AR: variants seen among roughly 807,000 people sequenced by gnomAD.
AR encodes the protein dihydrotestosterone receptor.
A neutral mutation model predicts 53.9 loss-of-function variants in AR; 8 were observed. The ratio of observed to expected loss-of-function variants is 0.15; its 90% CI spans 0.09 to 0.27. The LOEUF is 0.27. AR is among the 10% of genes least tolerant of loss of function. The pLI, the probability that AR is intolerant of heterozygous loss-of-function variation, is 1.00. For missense variants in AR, 639 were observed against 742.5 expected, an observed-to-expected ratio of 0.86 and a Z score of 1.62; for synonymous variants, 359 against 316.4, an observed-to-expected ratio of 1.13 and a Z score of -1.43.
At chrX:67,694,776 T>C (rs565424003) in intron 3 of AR, 19 of 1,145,165 alleles carry the variant, frequency 1.7e-5, no homozygotes, top group Non-Finnish European at 2.1e-5. Context: ...CTCTAGTGGA[T>C]AGTCTGGAGA....
chrX:67,696,153 C>A, intron 3 of AR: 2 of 700,053 alleles, frequency 2.9e-6, no homozygotes, highest in Non-Finnish European at 3.4e-6. Flanking sequence ...TTTTTTTTTC[C>A]TTTTTTTTCT....
intron 3 of AR, among the ~76,000 whole-genome samples, chrX:67,709,206 G>A (rs1208815751): frequency 2.7e-5 from 3 of 112,154 alleles, no homozygotes; most frequent in Non-Finnish European, 5.6e-5. Context: ...GGTTTCTGCT[G>A]CCTTTTGTTC....
chrX:67,626,978 G>C (rs1369888208), intron 1 of AR, among the ~76,000 whole-genome samples: 1 of 105,316 alleles, frequency 9.5e-6, no homozygotes, highest in East Asian at 3.0e-4. Flanking sequence ...TTTTATGGCT[G>C]CATAGTATTC....
chrX:67,723,936 G>A lies in AR; in HGVS notation c.*95G>A. 9.2e-7 allele frequency: 1 copy of A among 1,086,944 alleles called. No homozygotes were observed. The highest frequency in any genetic ancestry group is 1.9e-5 in the South Asian group (1 of 53,675). 89.6% of individuals were successfully genotyped at this position (1,086,944 alleles called of 1,213,427 possible). A position where few individuals can be genotyped will look rare whatever the true frequency, so the allele number is the denominator to read the frequency against. ...CTGCACTACTCCTCTGCAGTGCCTT[G>A]GGGAATTTCCTCTATTGATGTACAG... On this transcript the variant is annotated 3_prime_UTR_variant, in exon 8 of 8. Transcript: ENST00000374690.
chrX:67,724,882 A>G lies in AR; in HGVS notation c.*1041A>G, dbSNP rs940943879. 9 of 172,619 alleles carry G rather than the reference A, an allele frequency of 5.2e-5. No individual in the cohort carries two copies. Among genetic ancestry groups the G allele is most frequent in the Non-Finnish European group, 9.9e-5 (9 of 91,159 alleles). The allele number at this position is 172,619 out of a possible 1,213,427, so 14.2% of individuals were successfully genotyped here. ...GAGAGCAGAGATTTAACCCTTTGTA[A>G]GGCCCCATTTGGATCCAGGTCTGCT... On this transcript the variant is annotated 3_prime_UTR_variant, in exon 8 of 8. Transcript: ENST00000374690.
At chrX:67,655,440 C>A (rs1336215356) in intron 2 of AR, among the ~76,000 whole-genome samples, 1 of 111,429 alleles carries the variant, frequency 9.0e-6, no homozygotes, top group East Asian at 2.8e-4. Context: ...TTTTCTTTGT[C>A]TCTTTTGCAA....
At chrX:67,643,109 T>A in intron 1 of AR, 147 bp from the exon 2 acceptor site, 3 of 695,441 alleles carry the variant, frequency 4.3e-6, no homozygotes, top group Non-Finnish European at 6.7e-6. Flanking sequence ...AGGAGAAGTC[T>A]CAGAAAATTC....
At chrX:67,638,019 C>T (rs1174949172) in intron 1 of AR, among the ~76,000 whole-genome samples, 1 of 110,671 alleles carries the variant, frequency 9.0e-6, no homozygotes. Flanking sequence ...GTTCCCTAGC[C>T]TGTGTCCAAG....
intron 1 of AR, among the ~76,000 whole-genome samples, chrX:67,606,675 C>A (rs1923639797): frequency 8.9e-6 from 1 of 112,479 alleles, no homozygotes; most frequent in Admixed American, 9.4e-5. Flanking sequence ...ATGATTATTA[C>A]TTTTTCTAAT....
At chrX:67,597,067 A>C in intron 1 of AR, among the ~76,000 whole-genome samples, 1 of 112,155 alleles carries the variant, frequency 8.9e-6, no homozygotes. Context: ...TCAGAAGGTC[A>C]TTTCATTGAA....
rs1298910933 is a variant in AR at position 67,660,148 on chromosome X, T to A, written c.1768+16741T>A. On this transcript the variant is annotated intron_variant, in intron 2 of 7. Transcript: ENST00000374690. ...AGATGAGTAGATTGCAAAAGTTTTC[T>A]CCCATTCTGTAGGTTGCCTGTTCAC... 2.7e-5 allele frequency among the ~76,000 whole-genome samples: 3 copies of A among 112,217 alleles called. No homozygotes were observed. The Admixed American group carries it at 2.8e-4, about 11-fold the overall frequency.
chrX:67,548,480 A>G (rs1368734973), intron 1 of AR, among the ~76,000 whole-genome samples: 1 of 111,283 alleles, frequency 9.0e-6, no homozygotes, highest in Non-Finnish European at 1.9e-5. Context: ...TAGGGCTGTC[A>G]CTAGACGGTG....
intron 1 of AR, among the ~76,000 whole-genome samples, chrX:67,555,961 G>A (rs1418314152): frequency 8.9e-6 from 1 of 112,426 alleles, no homozygotes; most frequent in Non-Finnish European, 1.9e-5. Context: ...GTTGTTTCTC[G>A]AAGTGGCAAG....
intron 2 of AR, among the ~76,000 whole-genome samples, chrX:67,644,349 G>C (rs1033149619): frequency 9.0e-6 from 1 of 111,673 alleles, no homozygotes; most frequent in African/African-American, 3.3e-5. Flanking sequence ...TTAAACACCA[G>C]TATTCACCTC....
At chrX:67,695,446 T>A in intron 3 of AR, 1 of 754,343 alleles carries the variant, frequency 1.3e-6, no homozygotes, top group Non-Finnish European at 1.6e-6. Context: ...CTAGCCTTAC[T>A]GTAGCCACAC....
At chrX:67,667,066 G>A (rs1220484003) in intron 2 of AR, among the ~76,000 whole-genome samples, 2 of 111,180 alleles carry the variant, frequency 1.8e-5, no homozygotes, top group East Asian at 2.8e-4. Context: ...TTTTTAACTT[G>A]ATGTGACCTC....
At chrX:67,708,909 T>C (rs2147521557) in intron 3 of AR, among the ~76,000 whole-genome samples, 1 of 112,188 alleles carries the variant, frequency 8.9e-6, no homozygotes, top group Non-Finnish European at 1.9e-5. Flanking sequence ...AGGTCCACTC[T>C]AGACCCTGTT....
intron 1 of AR, among the ~76,000 whole-genome samples, chrX:67,548,706 A>G (rs1333899106): frequency 8.9e-6 from 1 of 111,914 alleles, no homozygotes; most frequent in Non-Finnish European, 1.9e-5. Context: ...GAATAACTAT[A>G]GAGAGCAAAA....
chrX:67,722,536 C>T (rs1469000848), intron 6 of AR, among the ~76,000 whole-genome samples: 1 of 111,930 alleles, frequency 8.9e-6, no homozygotes, highest in African/African-American at 3.2e-5. Context: ...CTGTGAATGA[C>T]ATAAAAGCTT....
Sources: gnomAD v4.1 joint callset for allele counts (sites outside exome capture counted in the v4.1 genomes callset) on GRCh38, gnomAD v4.1.1 for gene constraint, MANE v1.5 for transcripts, NCBI Gene and HGNC (gene_info 2026-07-23, HGNC 2026-07-21) for gene names.